The following ASIP variants were observed in gnomAD, a reference collection of about 807,000 sequenced individuals.
The protein encoded by ASIP is agouti signaling protein.
In ASIP, 11 loss-of-function variants were observed where a neutral mutation model predicts 10.3. That is an observed-to-expected ratio of 1.07 (90% CI 0.68 to 1.78). The LOEUF is 1.78. Among genes scored for constraint, ASIP ranks in the 40% most tolerant of loss-of-function variants. The probability of loss-of-function intolerance (pLI) is 0.00; values close to 1 mark genes in which losing one functional copy is unlikely to be tolerated. For missense variants in ASIP, 180 were observed against 169.2 expected (o/e 1.06, Z -0.35); for synonymous variants, 70 against 70.8 (o/e 0.99, Z 0.06).
intron 1 of ASIP, among the ~76,000 whole-genome samples, chr20:34,219,818 G>C (rs1042820846): frequency 6.6e-6 from 1 of 152,184 alleles, no homozygotes; most frequent in Admixed American, 6.5e-5. Context: ...TGCTGGGAGC[G>C]GTGGCTCACG....
chr20:34,214,263 C>T lies in ASIP; in HGVS notation c.-11+19503C>T, dbSNP rs1012477443. ...GCTCTGAACTTTTGCACTGGAATGACGCAGACCTCTGTGATCTAAGAAAGC... is the reference window on the plus strand; with the variant it reads ...GCTCTGAACTTTTGCACTGGAATGATGCAGACCTCTGTGATCTAAGAAAGC... On this transcript the variant is annotated intron_variant, in intron 1 of 3. Transcript: ENST00000568305. The T allele has an allele frequency of 7.8e-6, 11 of 1,410,022 alleles. No homozygotes were observed. The Admixed American group carries it at 1.5e-4, about 19-fold the overall frequency. The allele number at this position is 1,410,022 out of a possible 1,614,324, so 87.3% of individuals were successfully genotyped here. A position where few individuals can be genotyped will look rare whatever the true frequency, so the allele number is the denominator to read the frequency against.
At chr20:34,223,215 G>A (rs1039302832) in intron 1 of ASIP, among the ~76,000 whole-genome samples, 11 of 151,922 alleles carry the variant, frequency 7.2e-5, no homozygotes, top group Non-Finnish European at 1.5e-4. Context: ...TCACATCTAG[G>A]AAGTGAGGAG....
chr20:34,188,002 A>G, the ASIP span, among the ~76,000 whole-genome samples: 1 of 152,226 alleles, frequency 6.6e-6, no homozygotes, highest in Non-Finnish European at 1.5e-5. Context: ...CTGAGCCTGT[A>G]ATTGTTTGGC....
At position 34,260,443 on chromosome 20, in the gene ASIP, C is replaced by T. The variant is rs764252073; in HGVS notation, c.69C>T (p.His23=). The T allele has an allele frequency of 4.3e-6, 7 of 1,614,046 alleles. No individual in the cohort carries two copies. In the South Asian group the frequency reaches 4.4e-5, roughly 10 times the overall value. ...TCTGCTTCTTCACTGCCAACAGCCA[C>T]CTGCCACCTGAGGAGAAGCTCCGAG... is the stretch of plus-strand genomic sequence containing the variant. ...VFLCFFTANS[H]LPPEEKLRDD... is the part of the protein sequence containing the mutation. Residue 23 remains histidine (H), a synonymous_variant, in exon 2 of 4, where the codon CAC becomes CAT. Transcript: ENST00000374954.
Position 34,206,142 on chromosome 20 carries a change from G to T in ASIP, c.-11+11382G>T, listed in dbSNP as rs6059716. Among the ~76,000 whole-genome samples, 15 of 152,040 alleles carry T rather than the reference G, an allele frequency of 9.9e-5. No homozygotes were observed. The South Asian group carries it at 1.0e-3, about 11-fold the overall frequency. Reference sequence around the variant, plus strand: ...CAAGTAGCTGGGACTACAGGTGCCCGCCTCTATACCAAGATAATTTTTTTT... The same window carrying T: ...CAAGTAGCTGGGACTACAGGTGCCCTCCTCTATACCAAGATAATTTTTTTT... On this transcript the variant is annotated intron_variant, in intron 1 of 3. Coordinates refer to the ASIP transcript ENST00000568305.
chr20:34,201,017 C>CTTCCTTCCTTCCTTCTTTCTTTCT (rs751841818), intron 1 of ASIP, among the ~76,000 whole-genome samples: 75 of 63,136 alleles, frequency 1.2e-3, no homozygotes, highest in Non-Finnish European at 1.6e-3. Flanking sequence ...TCCTTCCTTC[C>CTTCCTTCCTTCCTTCTTTCTTTCT]TTCTTTCTTT....
intron 3 of ASIP, among the ~76,000 whole-genome samples, chr20:34,267,114 A>G (rs1328396870): frequency 6.6e-6 from 1 of 152,246 alleles, no homozygotes; most frequent in Non-Finnish European, 1.5e-5. Context: ...ATATATTTAT[A>G]TGCTAAGCAC....
At chr20:34,264,922 A>T (rs749100099) in intron 3 of ASIP, among the ~76,000 whole-genome samples, 36 of 151,460 alleles carry the variant, frequency 2.4e-4, no homozygotes, top group Non-Finnish European at 3.2e-4. Flanking sequence ...CAGCCCCACA[A>T]GCAGCTAGGA....
chr20:34,215,731 A>C (rs2035003721), intron 1 of ASIP: 4 of 1,463,544 alleles, frequency 2.7e-6, no homozygotes, highest in Non-Finnish European at 2.9e-6. Context: ...GAAAGCAGAA[A>C]AACTTTACAT....
intron 2 of ASIP, among the ~76,000 whole-genome samples, chr20:34,260,910 T>A (rs1047201582): frequency 6.6e-6 from 1 of 152,092 alleles, no homozygotes; most frequent in Admixed American, 6.6e-5. Context: ...CATGTCAGGG[T>A]TGGGAATGAA....
intron 1 of ASIP, among the ~76,000 whole-genome samples, chr20:34,257,873 G>C (rs539781389): frequency 6.6e-6 from 1 of 152,220 alleles, no homozygotes; most frequent in Non-Finnish European, 1.5e-5. Context: ...GCTGGGTGCG[G>C]TGGCTCACAC....
chr20:34,267,685 C>T (rs1601621499), intron 3 of ASIP, among the ~76,000 whole-genome samples: 1 of 152,026 alleles, frequency 6.6e-6, no homozygotes, highest in East Asian at 1.9e-4. Context: ...AGATGTGCCA[C>T]CATGCTGGGC....
At chr20:34,227,049 A>G (rs2035097947) in intron 1 of ASIP, among the ~76,000 whole-genome samples, 1 of 152,250 alleles carries the variant, frequency 6.6e-6, no homozygotes, top group Non-Finnish European at 1.5e-5. Flanking sequence ...ATGAAACAGT[A>G]AAACTATTTA....
upstream of ASIP, among the ~76,000 whole-genome samples, chr20:34,236,771 GA>G (rs2035216782): frequency 6.6e-6 from 1 of 152,176 alleles, no homozygotes; most frequent in South Asian, 2.1e-4. Flanking sequence ...AGAATTTTGG[GA>G]AACTCTAGAT....
chr20:34,235,862 A>G (rs2035186089), intron 1 of ASIP, among the ~76,000 whole-genome samples: 1 of 54,948 alleles, frequency 1.8e-5, no homozygotes, highest in African/African-American at 2.3e-4. Flanking sequence ...GGAAGGAAGG[A>G]AGGAAAGGAA....
chr20:34,226,681 A>G (rs904602741), intron 1 of ASIP, among the ~76,000 whole-genome samples: 1 of 152,104 alleles, frequency 6.6e-6, no homozygotes, highest in Non-Finnish European at 1.5e-5. Context: ...TTAACAAACT[A>G]ATAATAGAAA....
intron 1 of ASIP, chr20:34,234,891 C>G (rs2035158484): frequency 6.6e-6 from 1 of 151,116 alleles, no homozygotes; most frequent in African/African-American, 2.4e-5. Context: ...TCATATATTT[C>G]ATGTTTACCG....
At chr20:34,231,620 C>T (rs2035122559) in intron 1 of ASIP, among the ~76,000 whole-genome samples, 1 of 152,148 alleles carries the variant, frequency 6.6e-6, no homozygotes, top group African/African-American at 2.4e-5. Flanking sequence ...ATACAAATAA[C>T]TTATCTGACA....
intron 1 of ASIP, among the ~76,000 whole-genome samples, chr20:34,256,091 T>C (rs2035563907): frequency 6.6e-6 from 1 of 152,256 alleles, no homozygotes; most frequent in Non-Finnish European, 1.5e-5. Context: ...GGTAGCAGAA[T>C]TAGTAAAAGT....
Sources: gnomAD v4.1 joint callset for allele counts (sites outside exome capture counted in the v4.1 genomes callset) on GRCh38, gnomAD v4.1.1 for gene constraint, MANE v1.5 for transcripts, NCBI Gene and HGNC (gene_info 2026-07-23, HGNC 2026-07-21) for gene names.